The following CADM2 variants were observed in gnomAD, a reference collection of about 807,000 sequenced individuals.
The protein encoded by CADM2 is immunoglobulin superfamily member 4D.
In CADM2, 12 loss-of-function variants were observed where a neutral mutation model predicts 49.8. That is an observed-to-expected ratio of 0.24 (90% CI 0.15 to 0.39). The LOEUF is 0.39. CADM2 is among the 10% of genes least tolerant of loss of function. CADM2 has a pLI of 1.00. For synonymous variants in CADM2, 214 were observed against 175.4 expected (o/e 1.22, Z -1.74); for missense variants, 378 against 492.3 (o/e 0.77, Z 2.20).
rs138433999 is a variant in CADM2, at chr3:85,680,283, G to A, written c.62-46239G>A. On this transcript the variant is annotated intron_variant, in intron 1 of 9. Transcript: ENST00000383699. ...TATATTTGTATCATTTTAATTAAAG[G>A]TTAAAAGAATCATTTTGGTCTGAAT... Among the ~76,000 whole-genome samples, 84 of 152,056 alleles carry A rather than the reference G, an allele frequency of 5.5e-4. No homozygotes were observed. In the East Asian group the frequency reaches 0.015, roughly 28 times the overall value.
chr3:85,613,304 A>C (rs188501579), intron 1 of CADM2, among the ~76,000 whole-genome samples: 1 of 151,754 alleles, frequency 6.6e-6, no homozygotes, highest in Non-Finnish European at 1.5e-5. Context: ...AATCTAGTAT[A>C]ACCTAATAAA....
chr3:85,999,380 C>A (rs999545924), intron 8 of CADM2, among the ~76,000 whole-genome samples: 1 of 151,984 alleles, frequency 6.6e-6, no homozygotes, highest in Non-Finnish European at 1.5e-5. Context: ...TGGTGTGCAC[C>A]TGTAGCCCCA....
At chr3:85,318,465 G>C (rs1414367278) in intron 1 of CADM2, among the ~76,000 whole-genome samples, 3 of 151,960 alleles carry the variant, frequency 2.0e-5, no homozygotes, top group South Asian at 4.1e-4. Flanking sequence ...AACAAATTCT[G>C]AACCTAGAGC....
intron 1 of CADM2, among the ~76,000 whole-genome samples, chr3:85,546,375 A>ATTGTT (rs2061670403): frequency 6.6e-6 from 1 of 152,200 alleles, no homozygotes; most frequent in Admixed American, 6.5e-5. Flanking sequence ...CAAATAAACA[A>ATTGTT]TTAAAACAGC....
intron 1 of CADM2, among the ~76,000 whole-genome samples, chr3:85,226,554 C>G (rs1411261592): frequency 6.6e-6 from 1 of 151,428 alleles, no homozygotes; most frequent in Non-Finnish European, 1.5e-5. Flanking sequence ...TTTTGTTGAT[C>G]TTTTCCAAAA....
intron 1 of CADM2, among the ~76,000 whole-genome samples, chr3:85,358,789 AC>A (rs1244602640): frequency 6.6e-6 from 1 of 152,170 alleles, no homozygotes; most frequent in Non-Finnish European, 1.5e-5. Context: ...TATAATACAT[AC>A]GTGGTTCAGA....
intron 3 of CADM2, among the ~76,000 whole-genome samples, chr3:85,855,621 CAT>C (rs142144366): frequency 0.13 from 7,255 of 53,948 alleles, 739 homozygotes; most frequent in African/African-American, 0.29. Context: ...ATATATAAAA[CAT>C]ATATATATAT....
chr3:86,062,492 G>T (rs542622440), intron 8 of CADM2, among the ~76,000 whole-genome samples: 3 of 151,832 alleles, frequency 2.0e-5, no homozygotes, highest in African/African-American at 7.3e-5. Flanking sequence ...AAGGTGTATT[G>T]TTAGGCTGGG....
chr3:85,284,048 C>A (rs1183806511), intron 1 of CADM2, among the ~76,000 whole-genome samples: 2 of 152,066 alleles, frequency 1.3e-5, no homozygotes, highest in African/African-American at 2.4e-5. Context: ...TAAAATTGAA[C>A]TTTATAGACT....
chr3:85,640,163 A>G (rs1038485467), intron 1 of CADM2, among the ~76,000 whole-genome samples: 2 of 152,106 alleles, frequency 1.3e-5, no homozygotes, highest in African/African-American at 2.4e-5. Flanking sequence ...TTTCATTAGG[A>G]TAGTACCTGT....
At chr3:85,961,742 A>ATATGG in intron 8 of CADM2, 95 bp downstream of exon 8, 2 of 754,438 alleles carry the variant, frequency 2.7e-6, no homozygotes, top group Non-Finnish European at 3.9e-6. Flanking sequence ...GAACAAAATT[A>ATATGG]TATGGTTTCT....
chr3:85,743,774 CA>C, intron 2 of CADM2, among the ~76,000 whole-genome samples: 1 of 152,146 alleles, frequency 6.6e-6, no homozygotes. Flanking sequence ...AAAATCACCT[CA>C]AAAGAGATTC....
intron 3 of CADM2, among the ~76,000 whole-genome samples, chr3:85,873,402 G>T (rs1711497128): frequency 6.6e-6 from 1 of 152,096 alleles, no homozygotes; most frequent in Non-Finnish European, 1.5e-5. Flanking sequence ...CGTGGTGGCT[G>T]AGCTGGTGGT....
chr3:85,568,449 T>TTCTCTTTCTC (rs750571484), intron 1 of CADM2, among the ~76,000 whole-genome samples: 1 of 27,772 alleles, frequency 3.6e-5, no homozygotes, highest in African/African-American at 1.0e-4. Context: ...CTTTCTTTCT[T>TTCTCTTTCTC]TCTTTCTTTC....
At chr3:85,725,605 G>A (rs978277919) in intron 1 of CADM2, among the ~76,000 whole-genome samples, 3 of 151,878 alleles carry the variant, frequency 2.0e-5, no homozygotes, top group African/African-American at 7.2e-5. Flanking sequence ...TTGAACAGAA[G>A]TTTTCCTTTG....
chr3:85,652,691 G>A (rs1226097113), intron 1 of CADM2, among the ~76,000 whole-genome samples: 1 of 151,630 alleles, frequency 6.6e-6, no homozygotes, highest in African/African-American at 2.4e-5. Context: ...TCAGAGTGAA[G>A]GGTGGTGGAA....
At position 85,010,880 on chromosome 3, in the gene CADM2, T is replaced by TTTTTTTTTTTTTTTC. The variant is rs2033957384; in HGVS notation, c.61+51213_61+51214insTTTTTTTTTTTTTCT. On this transcript the variant is annotated intron_variant, in intron 1 of 9. Coordinates refer to ENST00000383699, the MANE Select transcript of CADM2 (RefSeq NM_001167675.2). ...TTTTTTTTTTTTTTTTTTTTTTTTTTTGAGATGGAGTCTTGCTCTGTCTCC... is the reference window on the plus strand; with the variant it reads ...TTTTTTTTTTTTTTTTTTTTTTTTTTTTTTTTTTTTTTTTCTGAGATGGAGTCTTGCTCTGTCTCC... Among the ~76,000 whole-genome samples the TTTTTTTTTTTTTTTC allele has an allele frequency of 2.8e-5, 4 of 141,070 alleles. 1 individual carries two copies. Among genetic ancestry groups the TTTTTTTTTTTTTTTC allele is most frequent in the African/African-American group, 5.3e-5 (2 of 37,506 alleles). 92.5% of individuals were successfully genotyped at this position (141,070 alleles called of 152,430 possible). A position where few individuals can be genotyped will look rare whatever the true frequency, so the allele number is the denominator to read the frequency against.
chr3:85,752,619 A>G (rs2068913645), intron 2 of CADM2, among the ~76,000 whole-genome samples: 1 of 152,136 alleles, frequency 6.6e-6, no homozygotes, highest in African/African-American at 2.4e-5. Flanking sequence ...AAGACAAATT[A>G]TCTGAAAACA....
chr3:85,553,533 C>G (rs966007191), intron 1 of CADM2, among the ~76,000 whole-genome samples: 2 of 152,070 alleles, frequency 1.3e-5, no homozygotes, highest in African/African-American at 2.4e-5. Context: ...CTACATTCTA[C>G]TTAACGGATA....
Sources: allele counts gnomAD v4.1 joint callset (sites outside exome capture counted in the v4.1 genomes callset), GRCh38; gene constraint gnomAD v4.1.1; transcripts MANE v1.5; gene names NCBI Gene and HGNC (gene_info 2026-07-23, HGNC 2026-07-21).